PI4KA: variants seen among roughly 807,000 people sequenced by gnomAD.
PI4KA encodes the protein PI4-kinase alpha.
PI4KA carries 122 observed loss-of-function variants against 271.4 expected under a neutral mutation model. The ratio of observed to expected loss-of-function variants is 0.45; its 90% CI spans 0.39 to 0.52. The LOEUF (loss-of-function observed/expected upper bound fraction) is 0.52, where lower values mean the gene tolerates loss of function less well. PI4KA is among the 20% of genes least tolerant of loss of function. The pLI is 0.00. For synonymous variants in PI4KA, 1,041 were observed against 1,078.8 expected (o/e 0.96, Z 0.69); for missense variants, 1,969 against 2,769.1 (o/e 0.71, Z 6.48).
chr22:20,753,987 G>A (rs921761892), intron 23 of PI4KA, among the ~76,000 whole-genome samples: 2 of 151,146 alleles, frequency 1.3e-5, no homozygotes, highest in Admixed American at 6.6e-5. Context: ...TGTCCGGCCT[G>A]GATGTGCTCT....
intron 8 of PI4KA, among the ~76,000 whole-genome samples, chr22:20,811,520 T>G (rs1342412489): frequency 6.6e-6 from 1 of 150,962 alleles, no homozygotes; most frequent in Non-Finnish European, 1.5e-5. Context: ...GCTCATATTT[T>G]AAATTTTCAA....
At chr22:20,761,076 G>GC (rs148104885) in intron 23 of PI4KA, among the ~76,000 whole-genome samples, 2,802 of 152,332 alleles carry the variant, frequency 0.018, 44 homozygotes, top group Non-Finnish European at 0.03. Flanking sequence ...GCACACTTGA[G>GC]CATAGATAGT....
intron 35 of PI4KA, 48 bp from the exon 36 acceptor site, chr22:20,733,146 A>C (rs1347475690): frequency 1.2e-6 from 2 of 1,607,940 alleles, no homozygotes; most frequent in South Asian, 2.2e-5. Flanking sequence ...GGAGTCAGGG[A>C]CTAGAGGCCA....
intron 7 of PI4KA, among the ~76,000 whole-genome samples, chr22:20,815,538 GAGTTT>G (rs1383652758): frequency 6.6e-6 from 1 of 152,184 alleles, no homozygotes; most frequent in Non-Finnish European, 1.5e-5. Context: ...CAGACTCAAA[GAGTTT>G]AGTTTAGCTC....
intron 1 of PI4KA, 72 bp from the exon 2 acceptor site, chr22:20,838,803 T>G (rs1288737070): frequency 1.1e-6 from 1 of 869,592 alleles, no homozygotes; most frequent in African/African-American, 1.7e-5. Context: ...GCAAGCTGAG[T>G]GCAGTGTCAT....
chr22:20,792,743 C>G (rs978133083), intron 19 of PI4KA, among the ~76,000 whole-genome samples: 9 of 152,182 alleles, frequency 5.9e-5, no homozygotes, highest in Non-Finnish European at 1.2e-4. Context: ...GCCATGCCAA[C>G]AACGTCCCCT....
At chr22:20,753,662 CAT>C (rs1254009776) in intron 23 of PI4KA, among the ~76,000 whole-genome samples, 1 of 152,118 alleles carries the variant, frequency 6.6e-6, no homozygotes, top group East Asian at 1.9e-4. Context: ...GGGAGAACTC[CAT>C]AGAGTGGATG....
intron 19 of PI4KA, among the ~76,000 whole-genome samples, chr22:20,778,704 G>A (rs1221474117): frequency 6.6e-6 from 1 of 152,100 alleles, no homozygotes; most frequent in Non-Finnish European, 1.5e-5. Context: ...TCCCACTAAT[G>A]CACATCCCTT....
At chr22:20,760,170 T>C (rs1931817986) in intron 23 of PI4KA, among the ~76,000 whole-genome samples, 1 of 152,232 alleles carries the variant, frequency 6.6e-6, no homozygotes, top group African/African-American at 2.4e-5. Context: ...CAAGAATTTA[T>C]CAATAAGCAT....
intron 7 of PI4KA, among the ~76,000 whole-genome samples, chr22:20,816,561 G>T (rs142430569): frequency 2.0e-4 from 31 of 152,246 alleles, no homozygotes; most frequent in African/African-American, 6.7e-4. Flanking sequence ...TACTTGAAAG[G>T]GCAAGGCCAG....
intron 1 of PI4KA, among the ~76,000 whole-genome samples, chr22:20,841,340 A>AACTG (rs1430635325): frequency 6.6e-6 from 1 of 152,150 alleles, no homozygotes; most frequent in East Asian, 1.9e-4. Context: ...CAGTAGAAAG[A>AACTG]ACTGAAGGCA....
chr22:20,856,980 A>C (rs1171921786), intron 1 of PI4KA, among the ~76,000 whole-genome samples: 6 of 152,184 alleles, frequency 3.9e-5, no homozygotes, highest in Non-Finnish European at 5.9e-5. Flanking sequence ...GTCATAAGAT[A>C]TATTTGTTGG....
intron 1 of PI4KA, among the ~76,000 whole-genome samples, chr22:20,839,748 T>C (rs975570670): frequency 2.0e-5 from 3 of 151,980 alleles, no homozygotes; most frequent in African/African-American, 7.2e-5. Flanking sequence ...GAGAATTGCT[T>C]GAACCCGGAA....
At chr22:20,814,341 G>A (rs1162183877) in intron 7 of PI4KA, among the ~76,000 whole-genome samples, 4 of 152,176 alleles carry the variant, frequency 2.6e-5, no homozygotes, top group Non-Finnish European at 5.9e-5. Flanking sequence ...AGGGGAAATG[G>A]GGAATAATTG....
chr22:20,794,998 A>C (rs1601516045), intron 18 of PI4KA, among the ~76,000 whole-genome samples: 2 of 152,304 alleles, frequency 1.3e-5, no homozygotes, highest in Non-Finnish European at 2.9e-5. Context: ...CCCCTGACCT[A>C]GGACAGTAGC....
chr22:20,711,752 G>C (rs1308874183), intron 50 of PI4KA, among the ~76,000 whole-genome samples: 1 of 152,028 alleles, frequency 6.6e-6, no homozygotes, highest in Non-Finnish European at 1.5e-5. Context: ...AGATGCCCTG[G>C]TGTTTTTTTT....
At position 20,710,904 on chromosome 22, in the gene PI4KA, C is replaced by T. The variant is rs750669401; in HGVS notation, c.5924-46G>A. Reference sequence around the variant, plus strand: ...GCCTGTGACTGGGTAGGAGCCAGGGCGGGCAAGGACAAGTGGTCTGTTTTG... The same window carrying T: ...GCCTGTGACTGGGTAGGAGCCAGGGTGGGCAAGGACAAGTGGTCTGTTTTG... On this transcript the variant is annotated intron_variant, in intron 51 of 54. Coordinates refer to ENST00000255882, the MANE Select transcript of PI4KA (RefSeq NM_058004.4). 30 of 1,604,344 alleles carry T rather than the reference C, an allele frequency of 1.9e-5. No homozygotes were observed. The East Asian group carries it at 4.7e-4, about 25-fold the overall frequency.
At chr22:20,779,530 G>T in intron 19 of PI4KA, 6 of 1,614,002 alleles carry the variant, frequency 3.7e-6, no homozygotes, top group Admixed American at 1.7e-5. Context: ...ATTCCAGAGG[G>T]GGAGGAGGAC....
intron 30 of PI4KA, among the ~76,000 whole-genome samples, chr22:20,743,404 T>C (rs1929689782): frequency 1.3e-5 from 2 of 151,896 alleles, no homozygotes; most frequent in Non-Finnish European, 2.9e-5. Context: ...TTGGCCTCCC[T>C]AAGTGCTGGG....
Sources: gnomAD v4.1 joint callset for allele counts (sites outside exome capture counted in the v4.1 genomes callset) on GRCh38, gnomAD v4.1.1 for gene constraint, MANE v1.5 for transcripts, NCBI Gene and HGNC (gene_info 2026-07-23, HGNC 2026-07-21) for gene names.